The following DLG3 variants were observed in gnomAD, a reference collection of about 807,000 sequenced individuals.
DLG3 encodes disks large homolog 3.
DLG3 carries 1 observed loss-of-function variant against 64.1 expected under a neutral mutation model. The observed-to-expected ratio is 0.02, with a 90% confidence interval of 0.01 to 0.07. The LOEUF is 0.07. DLG3 is among the 10% of genes least tolerant of loss of function. The pLI is 1.00. For synonymous variants in DLG3, 245 were observed against 259.8 expected, an observed-to-expected ratio of 0.94 and a Z score of 0.55; for missense variants, 429 against 669.5, an observed-to-expected ratio of 0.64 and a Z score of 3.96.
In DLG3 at chrX:70,445,114, C is replaced by T; in HGVS notation, c.-88C>T. On this transcript the variant is annotated 5_prime_UTR_variant, in exon 1 of 19. Coordinates refer to ENST00000374360, the MANE Select transcript of DLG3 (RefSeq NM_021120.4). ...AGCAGTGTGAGTGTGCCAGGGAGCCCGGCGGCGGCGGCGGCGGTGGTGGCG... is the reference window on the plus strand; with the variant it reads ...AGCAGTGTGAGTGTGCCAGGGAGCCTGGCGGCGGCGGCGGCGGTGGTGGCG... 1 of 640,304 alleles carries T rather than the reference C, an allele frequency of 1.6e-6. No homozygotes were observed. The highest frequency in any genetic ancestry group is 2.2e-6 in the Non-Finnish European group (1 of 459,890). 52.8% of individuals were successfully genotyped at this position (640,304 alleles called of 1,213,427 possible).
chrX:70,500,727 G>C (rs2087540751), intron 17 of DLG3, 147 bp downstream of exon 17: 1 of 671,202 alleles, frequency 1.5e-6, no homozygotes, highest in Non-Finnish European at 2.4e-6. Context: ...TTGAGGGCTT[G>C]TGCATATGTT....
chrX:70,501,013 G>T lies in DLG3; in HGVS notation c.2347+24G>T, dbSNP rs1214944524. The T allele has an allele frequency of 8.3e-6, 9 of 1,090,197 alleles. No homozygotes were observed. The Admixed American group carries it at 2.2e-4, about 27-fold the overall frequency. 89.8% of individuals were successfully genotyped at this position (1,090,197 alleles called of 1,213,427 possible). A position where few individuals can be genotyped will look rare whatever the true frequency, so the allele number is the denominator to read the frequency against. ...AGGTAAGACTCCTGCTGCCCTGCGG[G>T]GGGTTCTGGGGAACTAGCCAGGTAC... is the stretch of plus-strand genomic sequence containing the variant. On this transcript the variant is annotated intron_variant, in intron 18 of 18. Coordinates refer to ENST00000374360, the MANE Select transcript of DLG3 (RefSeq NM_021120.4).
In DLG3 at chrX:70,492,380, G is replaced by T. The variant is rs1361662468; in HGVS notation, c.1697+97G>T. 2.6e-5 allele frequency: 30 copies of T among 1,133,461 alleles called. No individual in the cohort carries two copies. In the East Asian group the frequency reaches 8.8e-4, roughly 33 times the overall value. The allele number at this position is 1,133,461 out of a possible 1,213,427, so 93.4% of individuals were successfully genotyped here. On this transcript the variant is annotated intron_variant, in intron 11 of 18. Coordinates refer to ENST00000374360, the MANE Select transcript of DLG3 (RefSeq NM_021120.4). ...GAAGTTGCTTGAGAGCAACGTTTGT[G>T]CCTTGATTCCTTTTTGGTAGAGTCG...
At chrX:70,446,565 C>T (rs963587023) in intron 1 of DLG3, among the ~76,000 whole-genome samples, 2 of 112,845 alleles carry the variant, frequency 1.8e-5, no homozygotes, top group Admixed American at 9.3e-5. Context: ...CCTTGGGTAC[C>T]TCCAGATGTG....
chrX:70,493,508 T>C, intron 12 of DLG3: 1 of 1,122,775 alleles, frequency 8.9e-7, no homozygotes. Context: ...GAGCAGGCCA[T>C]CTGCAGCCCC....
chrX:70,462,042 C>T (rs1431433012), intron 9 of DLG3, among the ~76,000 whole-genome samples: 2 of 88,831 alleles, frequency 2.3e-5, no homozygotes, highest in African/African-American at 8.3e-5. Flanking sequence ...ACTCCTCATC[C>T]CCCCCCCACC....
chrX:70,498,379 C>A, intron 13 of DLG3, 141 bp from the exon 14 acceptor site: 2 of 556,611 alleles, frequency 3.6e-6, no homozygotes, highest in Non-Finnish European at 6.2e-6. Context: ...TGCTTTCTCA[C>A]CAGCAGAAAA....
At chrX:70,460,099 A>G (rs995294958) in intron 9 of DLG3, among the ~76,000 whole-genome samples, 1 of 110,413 alleles carries the variant, frequency 9.1e-6, no homozygotes, top group African/African-American at 3.3e-5. Flanking sequence ...CCTGGCCAAC[A>G]TGGTGAAATT....
chrX:70,449,883 C>T (rs1602866853), intron 4 of DLG3, 24 bp downstream of exon 4: 1 of 1,169,417 alleles, frequency 8.6e-7, no homozygotes, highest in South Asian at 1.9e-5. Context: ...GGTTCCTGTG[C>T]TCCAGCCAGA....
At position 70,479,792 on chromosome X, in the gene DLG3, A is replaced by G. The variant is rs113146316; in HGVS notation, c.1520+528A>G. 7.6e-3 allele frequency among the ~76,000 whole-genome samples: 848 copies of G among 111,354 alleles called. 5 individuals are homozygous for G. Among genetic ancestry groups the G allele is most frequent in the African/African-American group, 0.02 (610 of 30,605 alleles). On this transcript the variant is annotated intron_variant, in intron 10 of 18. Transcript: ENST00000374360. ...CCCGCTGCACTGGTCTGCTGTATCTATGAATCATGGGATGTATAGTGTATG... is the reference window on the plus strand; with the variant it reads ...CCCGCTGCACTGGTCTGCTGTATCTGTGAATCATGGGATGTATAGTGTATG...
rs2087181471 is a variant in DLG3, at chrX:70,482,669, T to TTTTTTTTG, written c.1520+3412_1520+3413insGTTTTTTT. Among the ~76,000 whole-genome samples the TTTTTTTTG allele has an allele frequency of 3.5e-5, 3 of 86,911 alleles. No homozygotes were observed. The Admixed American group carries it at 4.0e-4, about 12-fold the overall frequency. The allele number at this position is 86,911 out of a possible 115,157, so 75.5% of individuals were successfully genotyped here. ...GGAAAATACATGTGTGGTGTTTTTT[T>TTTTTTTTG]TTTTTTTTTTTTTTTTGACGGAGTC... On this transcript the variant is annotated intron_variant, in intron 10 of 18. Coordinates refer to ENST00000374360, the MANE Select transcript of DLG3 (RefSeq NM_021120.4).
At chrX:70,484,842 C>T (rs919562365) in intron 10 of DLG3, among the ~76,000 whole-genome samples, 1 of 111,901 alleles carries the variant, frequency 8.9e-6, no homozygotes, top group Non-Finnish European at 1.9e-5. Context: ...TCTCCATGCA[C>T]CTTTCTTCAA....
In DLG3 at chrX:70,486,609, T is replaced by C. The variant is rs370687128; in HGVS notation, c.1521-5498T>C. Among the ~76,000 whole-genome samples, 12 of 110,868 alleles carry C rather than the reference T, an allele frequency of 1.1e-4. No individual in the cohort carries two copies. In the South Asian group the frequency reaches 4.7e-3, roughly 43 times the overall value. ...TGAGACCAGGGTGGCAGTTGGTTAA[T>C]TGCGGCCTTTCTTTAGGTATTAAGA... On this transcript the variant is annotated intron_variant, in intron 10 of 18. Coordinates refer to ENST00000374360, the MANE Select transcript of DLG3 (RefSeq NM_021120.4).
At chrX:70,459,940 T>C (rs1382373133) in intron 9 of DLG3, among the ~76,000 whole-genome samples, 1 of 111,097 alleles carries the variant, frequency 9.0e-6, no homozygotes, top group African/African-American at 3.3e-5. Flanking sequence ...CAGCAGAAGA[T>C]ATCACTCTGA....
intron 9 of DLG3, among the ~76,000 whole-genome samples, chrX:70,457,755 T>G (rs1313760768): frequency 2.7e-5 from 3 of 110,378 alleles, no homozygotes; most frequent in Non-Finnish European, 5.7e-5. Flanking sequence ...GTATTTTTAG[T>G]AGAGACGGGG....
rs371883606 is a variant in DLG3, at chrX:70,479,143, G to A, written c.1406-7G>A. The stretch of plus-strand genomic sequence containing the variant: ...TTTTCCCATCTTTTCCCTTGTTTCC[G>A]TGACAGAATACAGTCGCTTTGAATC... On this transcript the variant is annotated splice_polypyrimidine_tract_variant and splice_region_variant and intron_variant, in intron 9 of 18. Coordinates refer to ENST00000374360, the MANE Select transcript of DLG3 (RefSeq NM_021120.4). The A allele has an allele frequency of 1.3e-5, 16 of 1,196,027 alleles. No individual in the cohort carries two copies. In the African/African-American group the frequency reaches 1.6e-4, roughly 12 times the overall value.
At chrX:70,455,164 C>T in intron 9 of DLG3, 1 of 753,535 alleles carries the variant, frequency 1.3e-6, no homozygotes, top group Non-Finnish European at 1.6e-6. Flanking sequence ...CCTCCTCCCG[C>T]GCGCCCCGCT....
Position 70,479,164 on chromosome X carries a change from G to C in DLG3, c.1420G>C (p.Glu474Gln). 8.3e-7 allele frequency: 1 copy of C among 1,198,698 alleles called. No individual in the cohort carries two copies. The highest frequency in any genetic ancestry group is 1.8e-5 in the South Asian group (1 of 56,727). ...QYRPEEYSRFESKIHDLREQM... is the reference protein window; with the variant it reads ...QYRPEEYSRFQSKIHDLREQM... ...TTCCGTGACAGAATACAGTCGCTTT[G>C]AATCGAAGATACATGACTTACGAGA... is the stretch of plus-strand genomic sequence containing the variant. Residue 474 changes from glutamate to glutamine, a missense_variant, in exon 10 of 19, where the codon GAA becomes CAA. By Grantham distance (29) the Glu-to-Gln change is conservative (BLOSUM62 2). Transcript: ENST00000374360.
intron 9 of DLG3, among the ~76,000 whole-genome samples, chrX:70,468,244 A>G (rs1488584578): frequency 9.0e-6 from 1 of 110,762 alleles, no homozygotes. Context: ...TAATTTTTGT[A>G]TTTCTAGTAG....
Sources: allele counts gnomAD v4.1 joint callset (sites outside exome capture counted in the v4.1 genomes callset), GRCh38; gene constraint gnomAD v4.1.1; transcripts MANE v1.5; gene names NCBI Gene and HGNC (gene_info 2026-07-23, HGNC 2026-07-21).